GRAMD1B: variants seen among roughly 807,000 people sequenced by gnomAD.
The protein encoded by GRAMD1B is protein Aster-B.
In GRAMD1B, 37 loss-of-function variants were observed where a neutral mutation model predicts 99.7. The ratio of observed to expected loss-of-function variants is 0.37; its 90% confidence interval spans 0.29 to 0.49. The LOEUF is 0.49. Among genes scored for constraint, GRAMD1B ranks in the 20% least tolerant of loss-of-function variants. The pLI is 0.98. For missense variants in GRAMD1B, 888 were observed against 1,009.2 expected (o/e 0.88, Z 1.63); for synonymous variants, 427 against 387.6 (o/e 1.10, Z -1.19).
chr11:123,616,129 C>T (rs538895869), intron 17 of GRAMD1B, among the ~76,000 whole-genome samples: 1 of 152,264 alleles, frequency 6.6e-6, no homozygotes, highest in East Asian at 1.9e-4. Flanking sequence ...CGAGACCATC[C>T]TGGCTAACAT....
intron 1 of GRAMD1B, among the ~76,000 whole-genome samples, chr11:123,373,457 G>A (rs996415459): frequency 3.9e-5 from 6 of 152,196 alleles, no homozygotes; most frequent in Non-Finnish European, 2.9e-5. Flanking sequence ...AGAAAAGGTA[G>A]AAGTTCTCCC....
chr11:123,371,799 T>C lies in GRAMD1B; in HGVS notation c.-176+13000T>C, dbSNP rs567178317. 4.5e-4 allele frequency among the ~76,000 whole-genome samples: 69 copies of C among 152,338 alleles called. No homozygotes were observed. In the South Asian group the frequency reaches 0.013, roughly 29 times the overall value. Reference sequence around the variant, plus strand: ...TTTCTGGCTTGTCTTGCTAGAGTTCTCCATGATTTGTCTATCCTTACTCTC... The same window carrying C: ...TTTCTGGCTTGTCTTGCTAGAGTTCCCCATGATTTGTCTATCCTTACTCTC... On this transcript the variant is annotated intron_variant, in intron 1 of 20. Coordinates refer to the GRAMD1B transcript ENST00000638157.
intron 1 of GRAMD1B, among the ~76,000 whole-genome samples, chr11:123,403,212 G>A (rs751153021): frequency 2.0e-5 from 3 of 151,932 alleles, no homozygotes; most frequent in Non-Finnish European, 4.4e-5. Flanking sequence ...ATCACTTGAG[G>A]TCAGGAGTTT....
chr11:123,422,250 A>G (rs1229720454), intron 1 of GRAMD1B, among the ~76,000 whole-genome samples: 1 of 152,216 alleles, frequency 6.6e-6, no homozygotes, highest in African/African-American at 2.4e-5. Context: ...CTATTCCTGA[A>G]AAGTGGGAAC....
chr11:123,515,172 G>T (rs564420744), intron 2 of GRAMD1B, among the ~76,000 whole-genome samples: 1 of 152,332 alleles, frequency 6.6e-6, no homozygotes, highest in Admixed American at 6.5e-5. Context: ...TCACTTGGTA[G>T]CTGGTGGTGT....
At chr11:123,443,964 G>C (rs777785993) in intron 1 of GRAMD1B, among the ~76,000 whole-genome samples, 7 of 152,274 alleles carry the variant, frequency 4.6e-5, no homozygotes, top group Admixed American at 3.3e-4. Context: ...AAGAGTGTCT[G>C]GGTTAAGATA....
At chr11:123,573,388 A>C (rs1193011617) in intron 2 of GRAMD1B, among the ~76,000 whole-genome samples, 2 of 152,214 alleles carry the variant, frequency 1.3e-5, no homozygotes, top group Admixed American at 1.3e-4. Flanking sequence ...TTGACAGGAA[A>C]AGAGAGAATG....
Position 123,431,119 on chromosome 11 carries a change from C to T in GRAMD1B, c.327C>T (p.Leu109=), listed in dbSNP as rs1357822807. 1 of 703,046 alleles carries T rather than the reference C, an allele frequency of 1.4e-6. No homozygotes were observed. Among genetic ancestry groups the T allele is most frequent in the Non-Finnish European group, 2.6e-6 (1 of 385,006 alleles). 43.6% of individuals were successfully genotyped at this position (703,046 alleles called of 1,614,324 possible). A position where few individuals can be genotyped will look rare whatever the true frequency, so the allele number is the denominator to read the frequency against. Residue 109 remains leucine (L), a synonymous_variant, in exon 1 of 20, where the codon CTC becomes CTT. Transcript: ENST00000635736. ...CCCCGCGCCGAAAACGCTTCCTCCT[C>T]CGCAAGTGGCTGAGGGTGAGGGAGC... The part of the protein sequence containing the change: ...SASPRRKRFL[L]RKWLRVRERK...
At chr11:123,597,129 CTTT>C (rs35382306) in intron 7 of GRAMD1B, among the ~76,000 whole-genome samples, 10 of 137,074 alleles carry the variant, frequency 7.3e-5, no homozygotes, top group Non-Finnish European at 9.5e-5. Context: ...AGTCCAACTC[CTTT>C]TTTTTTTTTT....
At chr11:123,481,368 C>T (rs1253289023) in intron 2 of GRAMD1B, among the ~76,000 whole-genome samples, 3 of 152,106 alleles carry the variant, frequency 2.0e-5, no homozygotes, top group South Asian at 2.1e-4. Context: ...GCAGGAGAAT[C>T]GCTTGAACCT....
intron 7 of GRAMD1B, chr11:123,598,659 G>T: frequency 8.2e-7 from 1 of 1,219,036 alleles, no homozygotes; most frequent in Non-Finnish European, 1.2e-6. Context: ...TAAGAGAGCG[G>T]ATTTCAATCT....
chr11:123,466,381 A>G (rs1950667266), intron 1 of GRAMD1B, among the ~76,000 whole-genome samples: 1 of 147,918 alleles, frequency 6.8e-6, no homozygotes, highest in Non-Finnish European at 1.5e-5. Context: ...AGAAAGAGAG[A>G]GAGAAAGAAA....
chr11:123,497,588 C>T (rs1939426624), intron 2 of GRAMD1B, among the ~76,000 whole-genome samples: 1 of 152,150 alleles, frequency 6.6e-6, no homozygotes, highest in Non-Finnish European at 1.5e-5. Flanking sequence ...TAGAAATTTA[C>T]CTGGTGTTCT....
chr11:123,616,651 G>A lies in GRAMD1B; in HGVS notation c.2318+1816G>A, dbSNP rs555252805. On this transcript the variant is annotated intron_variant, in intron 17 of 19. Transcript: ENST00000635736. Reference sequence around the variant, plus strand: ...TCTGCCGACAGCCTACACGTGGGACGGGCTGACACAGCACAGCTTGCCCTG... The same window carrying A: ...TCTGCCGACAGCCTACACGTGGGACAGGCTGACACAGCACAGCTTGCCCTG... Among the ~76,000 whole-genome samples, 4 of 152,218 alleles carry A rather than the reference G, an allele frequency of 2.6e-5. No homozygotes were observed. The East Asian group carries it at 7.7e-4, about 29-fold the overall frequency.
intron 1 of GRAMD1B, among the ~76,000 whole-genome samples, chr11:123,466,427 A>AAAGAAAGG (rs1178928186): frequency 6.6e-6 from 1 of 151,368 alleles, no homozygotes; most frequent in Non-Finnish European, 1.5e-5. Context: ...AGAGAAAAAG[A>AAAGAAAGG]AAGAAAGGAA....
At chr11:123,401,011 C>G (rs1371400949) in intron 1 of GRAMD1B, among the ~76,000 whole-genome samples, 2 of 149,070 alleles carry the variant, frequency 1.3e-5, no homozygotes, top group Non-Finnish European at 2.9e-5. Context: ...AGCATGCTCT[C>G]TCTCTCTAAC....
chr11:123,440,229 G>C (rs184125485), intron 1 of GRAMD1B, among the ~76,000 whole-genome samples: 1 of 152,168 alleles, frequency 6.6e-6, no homozygotes, highest in Non-Finnish European at 1.5e-5. Flanking sequence ...AAGTCAACGC[G>C]GCCAGATGCA....
chr11:123,613,107 C>T (rs942140180), intron 15 of GRAMD1B: 36 of 559,834 alleles, frequency 6.4e-5, no homozygotes, highest in Non-Finnish European at 5.7e-5. Flanking sequence ...ATAAAACACC[C>T]CTCACCCCAA....
In GRAMD1B at chr11:123,492,822, T is replaced by C. The variant is rs1306221761; in HGVS notation, c.452+11929T>C. On this transcript the variant is annotated intron_variant, in intron 2 of 19. Transcript: ENST00000635736. This position sits in a 1 kb window ranked among gnomAD's most constrained non-coding sequence, Gnocchi z 4.2. ...GAGAGGCTAGAGGCAGTAGGTGGCT[T>C]AACCTCAATCCTCTCTCTCTCTCTG... 6.6e-6 allele frequency among the ~76,000 whole-genome samples: 1 copy of C among 150,878 alleles called. No homozygotes were observed. Among genetic ancestry groups the C allele is most frequent in the Non-Finnish European group, 1.5e-5 (1 of 67,878 alleles).
Sources: gnomAD v4.1 joint callset for allele counts (sites outside exome capture counted in the v4.1 genomes callset) on GRCh38, gnomAD v4.1.1 for gene constraint, Gnocchi (gnomAD v3.1) non-coding constraint, MANE v1.5 for transcripts, NCBI Gene and HGNC (gene_info 2026-07-23, HGNC 2026-07-21) for gene names.